The following C10orf90 variants were observed in gnomAD, a reference collection of about 807,000 sequenced individuals.
C10orf90 encodes the protein (E2-independent) E3 ubiquitin-conjugating enzyme FATS.
Under a neutral mutation model 62.5 loss-of-function variants are expected in C10orf90, and 56 were observed. The ratio of observed to expected loss-of-function variants is 0.90; its 90% CI spans 0.72 to 1.12. C10orf90 has a LOEUF of 1.12. Among genes scored for constraint, C10orf90 ranks in the 50% most tolerant of loss-of-function variants. The probability of loss-of-function intolerance (pLI) is 0.00; values close to 1 mark genes in which losing one functional copy is unlikely to be tolerated. For missense variants in C10orf90, 970 were observed against 880.4 expected (o/e 1.10, Z -1.29); for synonymous variants, 386 against 340.4 (o/e 1.13, Z -1.47).
chr10:126,578,874 T>C (rs990739076), intron 2 of C10orf90, among the ~76,000 whole-genome samples: 1 of 152,002 alleles, frequency 6.6e-6, no homozygotes, highest in Non-Finnish European at 1.5e-5. Context: ...AATGCAAAAA[T>C]AGGCCAACGA....
chr10:126,586,035 G>A (rs1030613161), intron 2 of C10orf90, among the ~76,000 whole-genome samples: 12 of 152,124 alleles, frequency 7.9e-5, no homozygotes, highest in South Asian at 2.1e-4. Context: ...AAAAACCAAG[G>A]CAACTCATTT....
In C10orf90 at chr10:126,456,513, T is replaced by A. The variant is rs1187616092; in HGVS notation, c.2188+2527A>T. On this transcript the variant is annotated intron_variant, in intron 7 of 9. Transcript: ENST00000488181. The surrounding 1 kb of genome is among the most constrained non-coding windows in gnomAD (Gnocchi z 4.9). ...ACTTCCATTTAAAAGAATGTGAACT[T>A]GTAAGGATATTTGTTTCGGGCAAAC... is the stretch of plus-strand genomic sequence containing the variant. Among the ~76,000 whole-genome samples the A allele has an allele frequency of 2.6e-5, 4 of 152,196 alleles. No homozygotes were observed. The highest frequency in any genetic ancestry group is 9.7e-5 in the African/African-American group (4 of 41,438).
intron 2 of C10orf90, among the ~76,000 whole-genome samples, chr10:126,543,083 T>C (rs1464189061): frequency 1.3e-5 from 2 of 152,208 alleles, no homozygotes; most frequent in African/African-American, 4.8e-5. Context: ...AAATCACCCA[T>C]AAATTACATA....
chr10:126,459,848 C>T (rs1182321639), intron 6 of C10orf90, among the ~76,000 whole-genome samples: 3 of 152,280 alleles, frequency 2.0e-5, no homozygotes, highest in Non-Finnish European at 4.4e-5. Flanking sequence ...CACTAAGCCA[C>T]CCACACAAGT....
intron 2 of C10orf90, among the ~76,000 whole-genome samples, chr10:126,514,649 C>T (rs1334088436): frequency 2.6e-5 from 4 of 152,184 alleles, no homozygotes; most frequent in Non-Finnish European, 5.9e-5. Context: ...ACCACACCTG[C>T]CCTGAGTACC....
intron 2 of C10orf90, among the ~76,000 whole-genome samples, chr10:126,570,194 C>T (rs1343477436): frequency 1.3e-5 from 2 of 152,236 alleles, no homozygotes; most frequent in African/African-American, 4.8e-5. Flanking sequence ...TTCCCCTGCA[C>T]AGTATGCTTT....
At chr10:126,647,250 C>T (rs914525219) in intron 1 of C10orf90, among the ~76,000 whole-genome samples, 31 of 152,314 alleles carry the variant, frequency 2.0e-4, no homozygotes, top group African/African-American at 7.2e-4. Flanking sequence ...TCATTCCATA[C>T]TGGGTTTGCC....
chr10:126,548,010 A>G (rs1035959255), intron 2 of C10orf90, among the ~76,000 whole-genome samples: 2 of 152,202 alleles, frequency 1.3e-5, no homozygotes, highest in Non-Finnish European at 2.9e-5. Flanking sequence ...AAAAGAGACC[A>G]AAACCTACAA....
chr10:126,626,230 C>G (rs919614757), intron 2 of C10orf90, among the ~76,000 whole-genome samples: 4 of 152,088 alleles, frequency 2.6e-5, no homozygotes, highest in Non-Finnish European at 5.9e-5. Context: ...ACAGAAGGCC[C>G]CAGGGAAGGC....
At chr10:126,426,126 T>C (rs1416273067) in intron 8 of C10orf90, 36 bp from the exon 9 acceptor site, 2 of 1,549,098 alleles carry the variant, frequency 1.3e-6, no homozygotes, top group Admixed American at 3.3e-5. Flanking sequence ...GAATGGTAGC[T>C]TGACAGCGTG....
At chr10:126,658,581 A>G (rs903278747) in intron 1 of C10orf90, among the ~76,000 whole-genome samples, 7 of 152,250 alleles carry the variant, frequency 4.6e-5, no homozygotes, top group Non-Finnish European at 1.0e-4. Context: ...TCATTGCACA[A>G]TGTAAAGCTG....
intron 2 of C10orf90, among the ~76,000 whole-genome samples, chr10:126,608,553 A>C (rs1201677323): frequency 1.3e-5 from 2 of 152,206 alleles, no homozygotes; most frequent in Admixed American, 1.3e-4. Context: ...CAATATCCAC[A>C]ATTATCTGAA....
chr10:126,655,432 C>G (rs1846374381), intron 1 of C10orf90, among the ~76,000 whole-genome samples: 1 of 152,176 alleles, frequency 6.6e-6, no homozygotes, highest in Non-Finnish European at 1.5e-5. Context: ...CACAGAGACA[C>G]CCAGTGAGCA....
At chr10:126,583,116 A>G (rs1347477347) in intron 2 of C10orf90, among the ~76,000 whole-genome samples, 1 of 152,214 alleles carries the variant, frequency 6.6e-6, no homozygotes, top group Non-Finnish European at 1.5e-5. Flanking sequence ...AGATGTCTCC[A>G]GATATTTTTG....
intron 3 of C10orf90, among the ~76,000 whole-genome samples, chr10:126,507,987 G>A (rs1244219785): frequency 3.3e-5 from 5 of 151,388 alleles, no homozygotes; most frequent in Non-Finnish European, 7.4e-5. Flanking sequence ...TGTACCCCAC[G>A]AGGAGTGCAA....
chr10:126,619,565 A>G (rs962604645), intron 2 of C10orf90, among the ~76,000 whole-genome samples: 3 of 152,354 alleles, frequency 2.0e-5, no homozygotes, highest in Middle Eastern at 3.4e-3. Context: ...TGTGTTGGTC[A>G]TCAGATATCC....
At chr10:126,667,596 G>A (rs1213900515) in intron 1 of C10orf90, among the ~76,000 whole-genome samples, 1 of 152,130 alleles carries the variant, frequency 6.6e-6, no homozygotes, top group Non-Finnish European at 1.5e-5. Flanking sequence ...CAATCAATCA[G>A]GAGATGCTCA....
At chr10:126,569,812 A>G (rs1357186050) in intron 2 of C10orf90, among the ~76,000 whole-genome samples, 2 of 152,132 alleles carry the variant, frequency 1.3e-5, no homozygotes, top group Non-Finnish European at 2.9e-5. Flanking sequence ...AGTAAAATCA[A>G]CCCAAGGCAC....
At chr10:126,523,335 G>A (rs1214028293) in intron 2 of C10orf90, 1 of 152,202 alleles carries the variant, frequency 6.6e-6, no homozygotes, top group African/African-American at 2.4e-5. Context: ...CCCCGCTCAT[G>A]GGTACCGCAC....
Sources: allele counts gnomAD v4.1 joint callset (sites outside exome capture counted in the v4.1 genomes callset), GRCh38; gene constraint gnomAD v4.1.1; non-coding constraint Gnocchi (gnomAD v3.1); transcripts MANE v1.5; gene names NCBI Gene and HGNC (gene_info 2026-07-23, HGNC 2026-07-21).